The following SYNPO2L variants were observed in gnomAD, a reference collection of about 807,000 sequenced individuals.
SYNPO2L encodes synaptopodin 2-like protein.
A neutral mutation model predicts 47.5 loss-of-function variants in SYNPO2L; 34 were observed. That is an observed-to-expected ratio of 0.72 (90% CI 0.54 to 0.95). The LOEUF is 0.95. SYNPO2L is among the 40% of genes least tolerant of loss of function. The pLI, the probability that SYNPO2L is intolerant of heterozygous loss-of-function variation, is 0.00. For missense variants in SYNPO2L, 1,246 were observed against 1,282.0 expected, an observed-to-expected ratio of 0.97 and a Z score of 0.43; for synonymous variants, 536 against 524.9, an observed-to-expected ratio of 1.02 and a Z score of -0.29.
rs757152286 is a variant in SYNPO2L at position 73,646,973 on chromosome 10, C to T, written c.2679G>A (p.Pro893=). Residue 893 remains proline (P), a synonymous_variant, in exon 4 of 4, where the codon CCG becomes CCA. Coordinates refer to ENST00000394810, the MANE Select transcript of SYNPO2L (RefSeq NM_001114133.3). ...RVQEIRRFST[P]APQPTAEPLA... Reference sequence around the variant, plus strand: ...GGGGTTCTGCAGTGGGCTGGGGTGCCGGAGTGGAAAACCGGCGAATCTCCT... The same window carrying T: ...GGGGTTCTGCAGTGGGCTGGGGTGCTGGAGTGGAAAACCGGCGAATCTCCT... The T allele has an allele frequency of 6.8e-6, 11 of 1,611,548 alleles. No homozygotes were observed. Among genetic ancestry groups the T allele is most frequent in the South Asian group, 1.1e-5 (1 of 90,780 alleles).
Position 73,646,882 on chromosome 10 carries a change from G to C in SYNPO2L, c.2770C>G (p.Leu924Val), listed in dbSNP as rs919455675. The change falls in exon 4 of 4, where the codon CTG becomes GTG. Residue 924 changes from leucine to valine, a missense_variant. Around this residue, in one of 3 missense-constraint regions of SYNPO2L, gnomAD observed 1,037 missense variants for 1,021.5 expected, o/e 1.02. Coordinates refer to ENST00000394810, the MANE Select transcript of SYNPO2L (RefSeq NM_001114133.3). The stretch of plus-strand genomic sequence containing the variant: ...GGGCTAGGAACAGGGGCTGAGGCCA[G>C]TTCTGTTCTCCAGATGGGCTCATCC... ...TLDEPIWRTE[L>V]ASAPVPSPAP... 1 of 1,567,568 alleles carries C rather than the reference G, an allele frequency of 6.4e-7. No individual in the cohort carries two copies. Among genetic ancestry groups the C allele is most frequent in the Non-Finnish European group, 8.7e-7 (1 of 1,154,882 alleles).
At position 73,647,678 on chromosome 10, in the gene SYNPO2L, G is replaced by T. The variant is rs762529167; in HGVS notation, c.1974C>A (p.Asn658Lys). 2 of 1,614,050 alleles carry T rather than the reference G, an allele frequency of 1.2e-6. No homozygotes were observed. Among genetic ancestry groups the T allele is most frequent in the South Asian group, 2.2e-5 (2 of 91,084 alleles). The stretch of plus-strand genomic sequence containing the variant: ...CCCCGGCCCGAGGCTTTTCATCCAG[G>T]TTCTGTACCAGCGATAGCAGCTCGG... ...PNPELLSLVQ[N>K]LDEKPRAGGA... Residue 658 changes from asparagine (N) to lysine (K), a missense_variant, in exon 4 of 4, where the codon AAC (asparagine) becomes AAA (lysine). Coordinates refer to ENST00000394810, the MANE Select transcript of SYNPO2L (RefSeq NM_001114133.3).
At chr10:73,651,063 T>C in intron 3 of SYNPO2L, 5 of 1,550,886 alleles carry the variant, frequency 3.2e-6, no homozygotes, top group South Asian at 1.2e-5. Flanking sequence ...CCCCCACGCC[T>C]TTTAAAGCCC....
At chr10:73,650,947 G>C in intron 3 of SYNPO2L, 1 of 1,613,896 alleles carries the variant, frequency 6.2e-7, no homozygotes, top group Non-Finnish European at 8.5e-7. Context: ...ACTGGGTCTG[G>C]GGCTTTGTCA....
In SYNPO2L at chr10:73,647,205, A is replaced by C. The variant is rs779440157; in HGVS notation, c.2447T>G (p.Leu816Arg). The C allele has an allele frequency of 1.3e-5, 21 of 1,613,676 alleles. No individual in the cohort carries two copies. The South Asian group carries it at 2.2e-4, about 17-fold the overall frequency. The part of the protein sequence containing the change: ...RAPPPIAYNP[L>R]LSPFFPQAAR... The stretch of plus-strand genomic sequence containing the variant: ...CGCCTGGGGGAAAAAGGGAGAGAGC[A>C]GTGGGTTGTAAGCAATAGGAGGCGG... Residue 816 changes from leucine (L) to arginine (R), a missense_variant, in exon 4 of 4, where the codon CTG becomes CGG. Leu to Arg is a moderately radical substitution (Grantham distance 102). Around this residue, in one of 3 missense-constraint regions of SYNPO2L, gnomAD observed 1,037 missense variants for 1,021.5 expected, o/e 1.02. Coordinates refer to ENST00000394810, the MANE Select transcript of SYNPO2L (RefSeq NM_001114133.3).
intron 3 of SYNPO2L, among the ~76,000 whole-genome samples, chr10:73,652,108 C>T (rs1274546099): frequency 4.2e-5 from 6 of 143,626 alleles, no homozygotes; most frequent in Admixed American, 3.5e-4. Context: ...AAAAAAAGAA[C>T]CCCTGTAGCT....
intron 3 of SYNPO2L, among the ~76,000 whole-genome samples, chr10:73,650,449 G>A (rs1333442163): frequency 6.6e-6 from 1 of 152,150 alleles, no homozygotes; most frequent in East Asian, 1.9e-4. Context: ...TTCCTCATCT[G>A]TAAATGAGGG....
rs776292798 is a variant in SYNPO2L, at chr10:73,647,052, A to G, written c.2600T>C (p.Val867Ala). 56 of 1,613,752 alleles carry G rather than the reference A, an allele frequency of 3.5e-5. 2 individuals carry two copies. The South Asian group carries it at 6.0e-4, about 17-fold the overall frequency. Residue 867 changes from valine to alanine, a missense_variant, in exon 4 of 4, where the codon GTT becomes GCT. Physicochemically the swap from Val to Ala is moderately conservative, Grantham distance 64 (BLOSUM62 0). This residue lies in a region of SYNPO2L where 1,037 missense variants were observed against 1,021.5 expected (regional missense o/e 1.02). Transcript: ENST00000394810. ...GGCGATAGGGCCAGGAGTCGGGGGAACCTCATCAAAACAGAACATGGCAGT... is the reference window on the plus strand; with the variant it reads ...GGCGATAGGGCCAGGAGTCGGGGGAGCCTCATCAAAACAGAACATGGCAGT... ...LKTAMFCFDE[V>A]PPTPGPIASG... is the part of the protein sequence containing the mutation.
Position 73,653,388 on chromosome 10 carries a change from C to T in SYNPO2L, c.523G>A (p.Val175Ile). 6.4e-7 allele frequency: 1 copy of T among 1,551,524 alleles called. No homozygotes were observed. The highest frequency in any genetic ancestry group is 8.7e-7 in the Non-Finnish European group (1 of 1,146,952). Residue 175 changes from valine (V) to isoleucine (I), a missense_variant, in exon 3 of 4, where the codon GTC (valine) becomes ATC (isoleucine). By Grantham distance (29) the Val-to-Ile change is conservative. Around this residue, in one of 3 missense-constraint regions of SYNPO2L, gnomAD observed 148 missense variants for 204.8 expected, o/e 0.72. Coordinates refer to ENST00000394810, the MANE Select transcript of SYNPO2L (RefSeq NM_001114133.3). ...TCTGCAGGGCTGTCAGACAGGTAGA[C>T]CTCATCAGGTGGGGCACCCGGAGGG... Reference protein sequence around the residue: ...PTPPGAPPDEVYLSDSPAEPA... With the variant: ...PTPPGAPPDEIYLSDSPAEPA...
intron 3 of SYNPO2L, 144 bp downstream of exon 3, chr10:73,652,995 T>C: frequency 1.0e-6 from 1 of 994,080 alleles, no homozygotes. Flanking sequence ...AGAATAATTA[T>C]GCTCCCCTTC....
Position 73,646,491 on chromosome 10 carries a change from A to G in SYNPO2L, c.*227T>C, listed in dbSNP as rs2132414964. 2 of 1,228,230 alleles carry G rather than the reference A, an allele frequency of 1.6e-6. No homozygotes were observed. The highest frequency in any genetic ancestry group is 2.0e-6 in the Non-Finnish European group (2 of 985,856). 76.1% of individuals were successfully genotyped at this position (1,228,230 alleles called of 1,614,324 possible). ...GACAGAGATCCAGGAAAGGAAATGC[A>G]GAGACAAAGAGAGGCAAAGATACCA... On this transcript the variant is annotated 3_prime_UTR_variant, in exon 4 of 4. Transcript: ENST00000394810.
At position 73,655,834 on chromosome 10, in the gene SYNPO2L, G is replaced by A. The variant is rs751128243; in HGVS notation, c.89C>T (p.Pro30Leu). ...CTCCCTTACCTTAGACACCTGTAAC[G>A]GTTTCCTCTGCTCGGCCCCCCCATG... ...RLHGGAEQRK[P>L]LQVSKIRRRS... Residue 30 changes from proline (P) to leucine (L), a missense_variant, in exon 1 of 4, where the codon CCG becomes CTG. Physicochemically the swap from Pro to Leu is moderately conservative, Grantham distance 98 (BLOSUM62 -3). Around this residue, in one of 3 missense-constraint regions of SYNPO2L, gnomAD observed 61 missense variants for 55.6 expected, o/e 1.10. Transcript: ENST00000394810. The A allele has an allele frequency of 1.9e-5, 29 of 1,549,564 alleles. No homozygotes were observed. Among genetic ancestry groups the A allele is most frequent in the Non-Finnish European group, 2.4e-5 (28 of 1,146,094 alleles).
intron 1 of SYNPO2L, 42 bp downstream of exon 1, chr10:73,655,776 G>A: frequency 2.2e-6 from 3 of 1,385,342 alleles, no homozygotes; most frequent in Non-Finnish European, 2.9e-6. Context: ...GATCCCTTGG[G>A]TTCCCTTTCC....
Position 73,653,338 on chromosome 10 carries a change from A to G in SYNPO2L, c.573T>C (p.Pro191=). The change falls in exon 3 of 4, where the codon CCT becomes CCC. Residue 191 remains proline, a synonymous_variant. Transcript: ENST00000394810. ...TCACACGGCTGTCACCCTGGCTGGG[A>G]GGGCCAGGGATAGTAGGTGCTGGCT... The part of the protein sequence containing the change: ...PAEPAPTIPG[P]PSQGDSRVSS... 1 of 1,551,542 alleles carries G rather than the reference A, an allele frequency of 6.4e-7. No individual in the cohort carries two copies. Among genetic ancestry groups the G allele is most frequent in the Middle Eastern group, 1.7e-4 (1 of 5,992 alleles).
intron 3 of SYNPO2L, chr10:73,650,605 T>G (rs1031960511): frequency 1.2e-6 from 1 of 832,246 alleles, no homozygotes; most frequent in Non-Finnish European, 1.4e-6. Context: ...ATATGGATAC[T>G]TTCTTGTTCA....
At chr10:73,651,603 A>G (rs2081841856) in intron 3 of SYNPO2L, among the ~76,000 whole-genome samples, 1 of 152,220 alleles carries the variant, frequency 6.6e-6, no homozygotes. Context: ...CATCAAAAAT[A>G]GCAAAGCCTG....
intron 3 of SYNPO2L, among the ~76,000 whole-genome samples, chr10:73,652,197 C>T (rs538570099): frequency 3.3e-5 from 5 of 151,450 alleles, no homozygotes; most frequent in Non-Finnish European, 7.4e-5. Flanking sequence ...CTGTTGCTCA[C>T]GCTGGAGTGC....
chr10:73,653,367 C>T lies in SYNPO2L; in HGVS notation c.544G>A (p.Ala182Thr). 1 of 1,551,562 alleles carries T rather than the reference C, an allele frequency of 6.4e-7. No homozygotes were observed. The highest frequency in any genetic ancestry group is 8.7e-7 in the Non-Finnish European group (1 of 1,146,982). Residue 182 changes from alanine to threonine, a missense_variant, in exon 3 of 4, where the codon GCA (alanine) becomes ACA (threonine). Physicochemically the swap from Ala to Thr is moderately conservative, Grantham distance 58. This residue lies in a region of SYNPO2L where 148 missense variants were observed against 204.8 expected (regional missense o/e 0.72). Coordinates refer to ENST00000394810, the MANE Select transcript of SYNPO2L (RefSeq NM_001114133.3). ...PDEVYLSDSP[A>T]EPAPTIPGPP... ...CCAGGGATAGTAGGTGCTGGCTCTG[C>T]AGGGCTGTCAGACAGGTAGACCTCA...
intron 3 of SYNPO2L, among the ~76,000 whole-genome samples, chr10:73,652,066 CAAAAAAAA>C (rs1178972762): frequency 1.1e-3 from 53 of 47,804 alleles, no homozygotes; most frequent in Admixed American, 3.1e-3. Flanking sequence ...GACTCTATCT[CAAAAAAAA>C]AAAAAAAAAA....
Sources: gnomAD v4.1 joint callset for allele counts (sites outside exome capture counted in the v4.1 genomes callset) on GRCh38, gnomAD v4.1.1 for gene constraint, gnomAD v4.1.1 regional missense constraint, MANE v1.5 for transcripts, NCBI Gene and HGNC (gene_info 2026-07-23, HGNC 2026-07-21) for gene names.